Variants in MYO6 observed in about 807,000 individuals in gnomAD.
MYO6 encodes unconventional myosin-VI.
MYO6 carries 74 observed loss-of-function variants against 178.7 expected under a neutral mutation model. The ratio of observed to expected loss-of-function variants is 0.41; its 90% CI spans 0.34 to 0.50. MYO6 has a LOEUF of 0.50. MYO6 is among the 20% of genes least tolerant of loss of function. The probability of loss-of-function intolerance (pLI) is 0.09; values close to 1 mark genes in which losing one functional copy is unlikely to be tolerated. For synonymous variants in MYO6, 477 were observed against 504.6 expected (o/e 0.95, Z 0.73); for missense variants, 1,330 against 1,547.4 (o/e 0.86, Z 2.36).
At chr6:75,772,019 T>A (rs1018315973) in intron 1 of MYO6, among the ~76,000 whole-genome samples, 26 of 152,184 alleles carry the variant, frequency 1.7e-4, no homozygotes, top group African/African-American at 5.1e-4. Context: ...TTAAGAATTA[T>A]TTAAAATTAT....
At position 75,841,232 on chromosome 6, in the gene MYO6, T is replaced by G; in HGVS notation, c.670T>G (p.Phe224Val). Reference protein sequence around the residue: ...FNEKSSVVGGFVSHYLLEKSR... With the variant: ...FNEKSSVVGGVVSHYLLEKSR... ...TTTTTAGAGCTCAGTTGTTGGAGGA[T>G]TTGTTTCACATTATCTCCTAGAGAA... The change falls in exon 9 of 35, where the codon TTT becomes GTT. Residue 224 changes from phenylalanine to valine, a missense_variant. Physicochemically the swap from Phe to Val is conservative, Grantham distance 50 (BLOSUM62 -1). This residue lies in a region of MYO6 where 613 missense variants were observed against 816.8 expected (regional missense o/e 0.75). Transcript: ENST00000369977. 1.2e-6 allele frequency: 2 copies of G among 1,613,988 alleles called. No individual in the cohort carries two copies. Among genetic ancestry groups the G allele is most frequent in the Non-Finnish European group, 1.7e-6 (2 of 1,179,952 alleles).
chr6:75,878,733 A>G (rs1020010884), intron 20 of MYO6, among the ~76,000 whole-genome samples: 1 of 152,208 alleles, frequency 6.6e-6, no homozygotes, highest in Non-Finnish European at 1.5e-5. Flanking sequence ...TGTTTTCCAA[A>G]TGGCTTGCCG....
chr6:75,808,721 G>A (rs1000089288), intron 1 of MYO6, among the ~76,000 whole-genome samples: 13 of 152,202 alleles, frequency 8.5e-5, no homozygotes, highest in Admixed American at 7.9e-4. Flanking sequence ...GGATGCACCT[G>A]TGACTCAGCC....
chr6:75,892,623 C>T lies in MYO6; in HGVS notation c.3040C>T (p.Leu1014=), dbSNP rs1165062134. The T allele has an allele frequency of 6.2e-7, 1 of 1,613,266 alleles. No homozygotes were observed. Among genetic ancestry groups the T allele is most frequent in the Non-Finnish European group, 8.5e-7 (1 of 1,180,024 alleles). Residue 1014 remains leucine (L), a synonymous_variant, in exon 28 of 35, where the codon CTG becomes TTG. Coordinates refer to ENST00000369977, the MANE Select transcript of MYO6 (RefSeq NM_004999.4). ...GGAGCGCAGGGACCGGGAGCTGGCC[C>T]TGAGGATTGCCCAGAGTGAAGCCGA... ...EQERRDRELA[L]RIAQSEAELI...
At chr6:75,898,536 T>G (rs2149388370) in intron 30 of MYO6, 125 bp downstream of exon 30, 2 of 803,230 alleles carry the variant, frequency 2.5e-6, no homozygotes, top group Non-Finnish European at 4.2e-6. Flanking sequence ...AAGTGATATT[T>G]CTTTCTGTAC....
chr6:75,907,771 A>G (rs1306990114), intron 31 of MYO6, 63 bp downstream of exon 31: 2 of 1,265,646 alleles, frequency 1.6e-6, no homozygotes, highest in East Asian at 2.4e-5. Flanking sequence ...AAATACCTAG[A>G]TTAGGGTGAG....
chr6:75,852,729 A>G (rs1484135680), intron 11 of MYO6, among the ~76,000 whole-genome samples: 1 of 152,118 alleles, frequency 6.6e-6, no homozygotes, highest in African/African-American at 2.4e-5. Context: ...GATATACTAC[A>G]TTGTTTATCC....
At chr6:75,871,081 T>C (rs1172849028) in intron 19 of MYO6, among the ~76,000 whole-genome samples, 2 of 152,194 alleles carry the variant, frequency 1.3e-5, no homozygotes, top group African/African-American at 4.8e-5. Context: ...TGCCCTGCTA[T>C]AGAGACAAAA....
At chr6:75,787,754 A>G (rs1232914649) in intron 1 of MYO6, among the ~76,000 whole-genome samples, 2 of 117,742 alleles carry the variant, frequency 1.7e-5, no homozygotes, top group South Asian at 2.8e-4. Context: ...ATATATATAT[A>G]TATATATGTA....
intron 18 of MYO6, among the ~76,000 whole-genome samples, chr6:75,868,742 G>T (rs572026973): frequency 6.6e-6 from 1 of 152,052 alleles, no homozygotes; most frequent in East Asian, 1.9e-4. Context: ...CACAAAACAG[G>T]CTATCATTTA....
intron 2 of MYO6, among the ~76,000 whole-genome samples, chr6:75,818,721 C>T (rs13194998): frequency 0.035 from 5,381 of 152,252 alleles, 149 homozygotes; most frequent in Non-Finnish European, 0.054. Context: ...TTACTGTAAA[C>T]AACCCAGGGA....
intron 1 of MYO6, among the ~76,000 whole-genome samples, chr6:75,815,165 G>A (rs1771093061): frequency 6.6e-6 from 1 of 152,214 alleles, no homozygotes; most frequent in South Asian, 2.1e-4. Flanking sequence ...AGACGGTAGA[G>A]GAGATGCAGA....
At chr6:75,894,942 A>G (rs1374381399) in intron 28 of MYO6, 11 of 811,414 alleles carry the variant, frequency 1.4e-5, no homozygotes, top group Non-Finnish European at 2.0e-5. Context: ...ATTACCTAAA[A>G]TTGTAAAATA....
intron 1 of MYO6, among the ~76,000 whole-genome samples, chr6:75,802,720 C>G (rs535530743): frequency 6.6e-6 from 1 of 152,096 alleles, no homozygotes; most frequent in Admixed American, 6.5e-5. Context: ...CTCTTGGGCT[C>G]AAGCAATCTC....
chr6:75,868,832 A>G (rs576047741), intron 18 of MYO6, among the ~76,000 whole-genome samples: 2 of 152,302 alleles, frequency 1.3e-5, no homozygotes, highest in Admixed American at 1.3e-4. Context: ...TTATTGAAAC[A>G]TAAACCCTTT....
At chr6:75,868,511 A>T (rs1305306666) in intron 18 of MYO6, among the ~76,000 whole-genome samples, 1 of 152,116 alleles carries the variant, frequency 6.6e-6, no homozygotes, top group Non-Finnish European at 1.5e-5. Flanking sequence ...TGGATTACAT[A>T]ATCTTTTATG....
intron 31 of MYO6, 148 bp from the exon 32 acceptor site, chr6:75,908,348 A>T (rs538697960): frequency 1.6e-4 from 113 of 706,174 alleles, no homozygotes; most frequent in Non-Finnish European, 2.4e-4. Context: ...TAAAATGCTT[A>T]TCCTTATGAA....
intron 30 of MYO6, among the ~76,000 whole-genome samples, chr6:75,901,361 C>T (rs1779762113): frequency 6.6e-6 from 1 of 151,976 alleles, no homozygotes; most frequent in Non-Finnish European, 1.5e-5. Context: ...TCTTCCTACC[C>T]ATGGATCTTC....
At chr6:75,912,347 T>C (rs553712127) in intron 33 of MYO6, among the ~76,000 whole-genome samples, 1 of 152,050 alleles carries the variant, frequency 6.6e-6, no homozygotes, top group African/African-American at 2.4e-5. Flanking sequence ...TTTGAAGTGC[T>C]TCTTATAATT....
Sources: allele counts gnomAD v4.1 joint callset (sites outside exome capture counted in the v4.1 genomes callset), GRCh38; gene constraint gnomAD v4.1.1; regional missense constraint gnomAD v4.1.1; transcripts MANE v1.5; gene names NCBI Gene and HGNC (gene_info 2026-07-23, HGNC 2026-07-21).